Variants in BCKDHB observed in about 807,000 individuals in gnomAD.
The protein encoded by BCKDHB is 2-oxoisovalerate dehydrogenase subunit beta, mitochondrial.
In BCKDHB, 41 loss-of-function variants were observed where a neutral mutation model predicts 48.5. The ratio of observed to expected loss-of-function variants is 0.85; its 90% CI spans 0.66 to 1.10. BCKDHB has a LOEUF of 1.10. BCKDHB is among the 50% of genes least tolerant of loss of function. The pLI is 0.00. For missense variants in BCKDHB, 496 were observed against 494.2 expected, an observed-to-expected ratio of 1.00 and a Z score of -0.03; for synonymous variants, 201 against 174.8, an observed-to-expected ratio of 1.15 and a Z score of -1.18.
rs114835803 is a variant in BCKDHB, at chr6:80,157,973, C to T, written c.344-9705C>T. Among the ~76,000 whole-genome samples, 603 of 152,288 alleles carry T rather than the reference C, an allele frequency of 4.0e-3. 2 individuals carry two copies. Among genetic ancestry groups the T allele is most frequent in the African/African-American group, 0.014 (564 of 41,548 alleles). ...ATGATTGCCATAGACATAAATGTCT[C>T]TTTAGTCCAAAATGATGGGTCTTTT... On this transcript the variant is annotated intron_variant, in intron 3 of 9. Coordinates refer to ENST00000320393, the MANE Select transcript of BCKDHB (RefSeq NM_183050.4).
the BCKDHB span, among the ~76,000 whole-genome samples, chr6:80,382,349 C>A: frequency 6.6e-6 from 1 of 152,030 alleles, no homozygotes; most frequent in Non-Finnish European, 1.5e-5. Context: ...ATTTGAAGCC[C>A]CTTCTCATTC....
the BCKDHB span, among the ~76,000 whole-genome samples, chr6:80,406,616 G>A: frequency 6.6e-6 from 1 of 152,176 alleles, no homozygotes; most frequent in Admixed American, 6.5e-5. Flanking sequence ...GTGATGATGA[G>A]CATTTTTTCA....
At chr6:80,390,394 G>T in the BCKDHB span, among the ~76,000 whole-genome samples, 1 of 152,186 alleles carries the variant, frequency 6.6e-6, no homozygotes, top group African/African-American at 2.4e-5. Context: ...GTAGAAAAAG[G>T]TAGTCATCAA....
intron 9 of BCKDHB, among the ~76,000 whole-genome samples, chr6:80,334,282 CTCA>C (rs1376563019): frequency 2.0e-5 from 3 of 152,018 alleles, no homozygotes; most frequent in Non-Finnish European, 4.4e-5. Context: ...ATAGTTTGAA[CTCA>C]TCATGCTAGC....
intron 3 of BCKDHB, among the ~76,000 whole-genome samples, chr6:80,136,190 A>G (rs1770873415): frequency 6.6e-6 from 1 of 152,010 alleles, no homozygotes; most frequent in South Asian, 2.1e-4. Flanking sequence ...AAGTTGGAGG[A>G]CTCACAGTTC....
chr6:80,156,242 T>C (rs1387112996), intron 3 of BCKDHB, among the ~76,000 whole-genome samples: 1 of 151,846 alleles, frequency 6.6e-6, no homozygotes, highest in East Asian at 1.9e-4. Context: ...TCATTTGCCA[T>C]GCAACTAGAT....
intron 1 of BCKDHB, among the ~76,000 whole-genome samples, chr6:80,113,169 A>C (rs1769502741): frequency 6.6e-6 from 1 of 152,258 alleles, no homozygotes; most frequent in Non-Finnish European, 1.5e-5. Context: ...AAACGTGTGA[A>C]TTCACCCTGG....
At chr6:80,424,174 T>C in the BCKDHB span, among the ~76,000 whole-genome samples, 1 of 152,182 alleles carries the variant, frequency 6.6e-6, no homozygotes, top group South Asian at 2.1e-4. Context: ...TTATCAAGAA[T>C]TTTTATTTAT....
At chr6:80,357,090 G>GA in the BCKDHB span, among the ~76,000 whole-genome samples, 1 of 151,864 alleles carries the variant, frequency 6.6e-6, no homozygotes, top group Non-Finnish European at 1.5e-5. Flanking sequence ...GGTCATAGCA[G>GA]AAAAAAAGAT....
intron 8 of BCKDHB, among the ~76,000 whole-genome samples, chr6:80,230,853 G>A (rs1463700849): frequency 6.6e-6 from 1 of 152,114 alleles, no homozygotes; most frequent in Non-Finnish European, 1.5e-5. Context: ...GTGACATGAG[G>A]GCTCTGTCAT....
chr6:80,125,355 G>C (rs768858850), intron 1 of BCKDHB, among the ~76,000 whole-genome samples: 2 of 152,260 alleles, frequency 1.3e-5, no homozygotes, highest in Non-Finnish European at 2.9e-5. Context: ...TTTCTATTCA[G>C]ACCACTAAAA....
chr6:80,346,698 A>G (rs958055339), downstream of BCKDHB, among the ~76,000 whole-genome samples: 1 of 152,228 alleles, frequency 6.6e-6, no homozygotes, highest in Non-Finnish European at 1.5e-5. Flanking sequence ...TTGGATAAAA[A>G]GAAAAAACAA....
intron 1 of BCKDHB, among the ~76,000 whole-genome samples, chr6:80,109,911 A>G (rs1484802533): frequency 6.6e-6 from 1 of 152,218 alleles, no homozygotes. Flanking sequence ...TAGCAGAGCC[A>G]GAGTTTGAAT....
chr6:80,419,884 T>G, the BCKDHB span, among the ~76,000 whole-genome samples: 1 of 152,228 alleles, frequency 6.6e-6, no homozygotes, highest in African/African-American at 2.4e-5. Context: ...TGATCTATCT[T>G]TGAATATGCT....
chr6:80,244,946 A>G (rs1206393196), intron 8 of BCKDHB, among the ~76,000 whole-genome samples: 1 of 152,192 alleles, frequency 6.6e-6, no homozygotes, highest in Non-Finnish European at 1.5e-5. Context: ...CTTGGATTGA[A>G]TTCAATTCAA....
chr6:80,394,524 C>T, the BCKDHB span, among the ~76,000 whole-genome samples: 3 of 152,050 alleles, frequency 2.0e-5, no homozygotes, highest in East Asian at 5.8e-4. Context: ...TGTTTGTATG[C>T]TTTGGTCTCT....
Position 80,193,432 on chromosome 6 carries a change from C to T in BCKDHB, c.743-7502C>T, listed in dbSNP as rs1006592102. ...GTACAAGTATCTCAGTTTAAGAAGT[C>T]TCCTGGCCAGGCGTGATGGCTCACG... On this transcript the variant is annotated intron_variant, in intron 6 of 9. Coordinates refer to ENST00000320393, the MANE Select transcript of BCKDHB (RefSeq NM_183050.4). 2.6e-5 allele frequency among the ~76,000 whole-genome samples: 4 copies of T among 151,996 alleles called. No individual in the cohort carries two copies. In the South Asian group the frequency reaches 6.2e-4, roughly 24 times the overall value.
intron 8 of BCKDHB, among the ~76,000 whole-genome samples, chr6:80,258,292 T>C (rs1366247733): frequency 6.6e-6 from 1 of 152,192 alleles, no homozygotes; most frequent in Non-Finnish European, 1.5e-5. Flanking sequence ...CTTTTCATGG[T>C]TCAGGTGCCT....
At chr6:80,327,200 A>AC (rs1769074417) in intron 9 of BCKDHB, among the ~76,000 whole-genome samples, 1 of 152,176 alleles carries the variant, frequency 6.6e-6, no homozygotes, top group Non-Finnish European at 1.5e-5. Flanking sequence ...CATTTAATAC[A>AC]CCTAACCTGT....
Sources: allele counts gnomAD v4.1 joint callset (sites outside exome capture counted in the v4.1 genomes callset), GRCh38; gene constraint gnomAD v4.1.1; transcripts MANE v1.5; gene names NCBI Gene and HGNC (gene_info 2026-07-23, HGNC 2026-07-21).